Variants in TBX21 observed in about 807,000 individuals in gnomAD.
TBX21 encodes T-box transcription factor 21, also known as T-box transcription factor TBX21.
TBX21 carries 11 observed loss-of-function variants against 52.2 expected under a neutral mutation model. That is an observed-to-expected ratio of 0.21 (90% CI 0.13 to 0.35). TBX21 has a LOEUF of 0.35. Ranked by LOEUF, TBX21 falls within the 10% of genes least tolerant of loss-of-function variation. The probability of loss-of-function intolerance (pLI) is 1.00; values close to 1 mark genes in which losing one functional copy is unlikely to be tolerated. For synonymous variants in TBX21, 300 were observed against 316.1 expected, an observed-to-expected ratio of 0.95 and a Z score of 0.54; for missense variants, 625 against 755.1, an observed-to-expected ratio of 0.83 and a Z score of 2.02.
At position 47,745,110 on chromosome 17, in the gene TBX21, T is replaced by C. The variant is rs1021917662; in HGVS notation, c.1352T>C (p.Met451Thr). ...KMGPASWFRP[M>T]RTLPMEPGPG... ...GGCCCGGCCAGCTGGTTCCGCCCTA[T>C]GCGGACTCTGCCCATGGAACCCGGC... The change falls in exon 6 of 6, where the codon ATG (methionine) becomes ACG (threonine). Residue 451 changes from methionine (M) to threonine (T), a missense_variant. Around this residue, in one of 4 missense-constraint regions of TBX21, gnomAD observed 261 missense variants for 275.1 expected, o/e 0.95. Coordinates refer to ENST00000177694, the MANE Select transcript of TBX21 (RefSeq NM_013351.2). 1.2e-6 allele frequency: 2 copies of C among 1,614,014 alleles called. No individual in the cohort carries two copies. Among genetic ancestry groups the C allele is most frequent in the East Asian group, 2.2e-5 (1 of 44,872 alleles).
intron 1 of TBX21, among the ~76,000 whole-genome samples, chr17:47,737,850 A>T (rs1326186055): frequency 6.6e-6 from 1 of 152,008 alleles, no homozygotes; most frequent in African/African-American, 2.4e-5. Flanking sequence ...GGTCCCAAAC[A>T]CCTGACTTCA....
Position 47,742,130 on chromosome 17 carries a change from C to T in TBX21, c.492-480C>T, listed in dbSNP as rs1225757141. Among the ~76,000 whole-genome samples the T allele has an allele frequency of 6.6e-6, 1 of 150,494 alleles. No homozygotes were observed. The highest frequency in any genetic ancestry group is 2.5e-5 in the African/African-American group (1 of 40,746). On this transcript the variant is annotated intron_variant, in intron 1 of 5. Coordinates refer to ENST00000177694, the MANE Select transcript of TBX21 (RefSeq NM_013351.2). The surrounding 1 kb of genome is among the most constrained non-coding windows in gnomAD (Gnocchi z 4.4). ...TGTCATCCAGGCTGGAGGGCAGTGG[C>T]GCGATCTCAGCTCACTGTAACCTCT...
Position 47,743,164 on chromosome 17 carries a change from A to G in TBX21, c.740A>G (p.Asn247Ser), listed in dbSNP as rs2032286006. 1 of 1,613,984 alleles carries G rather than the reference A, an allele frequency of 6.2e-7. No homozygotes were observed. The highest frequency in any genetic ancestry group is 8.5e-7 in the Non-Finnish European group (1 of 1,180,012). ...TTTGGGAAACTAAAGCTCACAAACA[A>G]CAAGGGGGCGTCCAACAATGTGACC... ...VSFGKLKLTNNKGASNNVTQM... is the reference protein window; with the variant it reads ...VSFGKLKLTNSKGASNNVTQM... Residue 247 changes from asparagine to serine, a missense_variant, in exon 3 of 6, where the codon AAC becomes AGC. Physicochemically the swap from Asn to Ser is conservative, Grantham distance 46. Around this residue, in one of 4 missense-constraint regions of TBX21, gnomAD observed 142 missense variants for 258.5 expected, o/e 0.55. Transcript: ENST00000177694.
At chr17:47,738,328 T>C (rs192186134) in intron 1 of TBX21, among the ~76,000 whole-genome samples, 93 of 152,074 alleles carry the variant, frequency 6.1e-4, no homozygotes, top group Non-Finnish European at 1.2e-3. Context: ...CGGCTAATTG[T>C]TTCTATTTTT....
intron 1 of TBX21, among the ~76,000 whole-genome samples, chr17:47,736,745 T>C (rs558920838): frequency 6.6e-6 from 1 of 152,276 alleles, no homozygotes; most frequent in Admixed American, 6.5e-5. Context: ...AACAGGCTTT[T>C]GGGCTTATAG....
At position 47,744,838 on chromosome 17, in the gene TBX21, C is replaced by T; in HGVS notation, c.1080C>T (p.Pro360=). ...GAGATCACTACTCTCCTCTCCTACC[C>T]AACCAGTATCCTGTTCCCAGCCGCT... The part of the protein sequence containing the change: ...LGGDHYSPLL[P]NQYPVPSRFY... The change falls in exon 6 of 6, where the codon CCC becomes CCT. Residue 360 remains proline, a synonymous_variant. Coordinates refer to ENST00000177694, the MANE Select transcript of TBX21 (RefSeq NM_013351.2). 1 of 1,614,220 alleles carries T rather than the reference C, an allele frequency of 6.2e-7. No individual in the cohort carries two copies.
intron 1 of TBX21, among the ~76,000 whole-genome samples, chr17:47,736,938 C>T (rs180909623): frequency 1.3e-3 from 195 of 152,248 alleles, no homozygotes; most frequent in African/African-American, 1.7e-4. Context: ...CACGCCGTCC[C>T]GGATTCTTCC....
intron 1 of TBX21, among the ~76,000 whole-genome samples, chr17:47,739,097 A>G (rs1212214050): frequency 6.6e-6 from 1 of 151,926 alleles, no homozygotes; most frequent in African/African-American, 2.4e-5. Context: ...GGGGTCTTGG[A>G]CCCTGTCTTA....
In TBX21 at chr17:47,742,761, C is replaced by A; in HGVS notation, c.643C>A (p.Pro215Thr). 1 of 1,565,410 alleles carries A rather than the reference C, an allele frequency of 6.4e-7. No individual in the cohort carries two copies. Among genetic ancestry groups the A allele is most frequent in the East Asian group, 2.3e-5 (1 of 42,752 alleles). The change falls in exon 2 of 6, where the codon CCA (proline) becomes ACA (threonine). Residue 215 changes from proline to threonine, a missense_variant. Transcript: ENST00000177694. This position sits in a 1 kb window ranked among gnomAD's most constrained non-coding sequence, Gnocchi z 4.4. ...GTGTGGAAAGGCCGAGGGCAGCATGCCAGGTGCGCGCGCCCCTGGGAGCGG... is the reference window on the plus strand; with the variant it reads ...GTGTGGAAAGGCCGAGGGCAGCATGACAGGTGCGCGCGCCCCTGGGAGCGG... ...VQCGKAEGSM[P>T]GNRLYVHPDS...
intron 1 of TBX21, among the ~76,000 whole-genome samples, chr17:47,737,254 T>C (rs1397554953): frequency 2.6e-5 from 4 of 152,064 alleles, no homozygotes; most frequent in Non-Finnish European, 5.9e-5. Flanking sequence ...GAGTATATAA[T>C]AGTTGATGGT....
In TBX21 at chr17:47,742,598, T is replaced by C; in HGVS notation, c.492-12T>C. The C allele has an allele frequency of 3.1e-6, 5 of 1,592,382 alleles. No homozygotes were observed. Among genetic ancestry groups the C allele is most frequent in the Non-Finnish European group, 4.3e-6 (5 of 1,166,790 alleles). ...GCTGATGGGTGCTGGGGGCTTTCTC[T>C]CTTCTCTCCAGGCGGATGTTCCCAT... On this transcript the variant is annotated splice_polypyrimidine_tract_variant and intron_variant, in intron 1 of 5. Transcript: ENST00000177694. The surrounding 1 kb of genome is among the most constrained non-coding windows in gnomAD (Gnocchi z 4.4).
At position 47,734,787 on chromosome 17, in the gene TBX21, C is replaced by T. The variant is rs149506279; in HGVS notation, c.491+842C>T. Among the ~76,000 whole-genome samples the T allele has an allele frequency of 1.1e-3, 169 of 152,002 alleles. 1 individual carries two copies. The highest frequency in any genetic ancestry group is 2.8e-3 in the African/African-American group (115 of 41,416). On this transcript the variant is annotated intron_variant, in intron 1 of 5. Coordinates refer to ENST00000177694, the MANE Select transcript of TBX21 (RefSeq NM_013351.2). ...GCTGGTCCAGTGAAAACCTTCCCCA[C>T]ACTCCTGTCCAGAAATTCACCGGTT...
At chr17:47,739,319 C>A (rs555479787) in intron 1 of TBX21, among the ~76,000 whole-genome samples, 5 of 152,238 alleles carry the variant, frequency 3.3e-5, no homozygotes, top group Admixed American at 3.3e-4. Flanking sequence ...TTTCCCTCTA[C>A]TAGTGATAAA....
chr17:47,739,841 G>A (rs967903970), intron 1 of TBX21, among the ~76,000 whole-genome samples: 2 of 148,576 alleles, frequency 1.3e-5, no homozygotes, highest in South Asian at 2.2e-4. Context: ...GGAGGCAGAG[G>A]TTGCAGTGAG....
chr17:47,743,879 CAAAA>C (rs772309900), intron 3 of TBX21, among the ~76,000 whole-genome samples: 3 of 62,118 alleles, frequency 4.8e-5, no homozygotes, highest in African/African-American at 6.5e-5. Flanking sequence ...GACTCCGTCT[CAAAA>C]AAAAAAAAAA....
intron 1 of TBX21, among the ~76,000 whole-genome samples, chr17:47,734,368 C>T (rs1399650530): frequency 1.3e-5 from 2 of 152,026 alleles, no homozygotes; most frequent in African/African-American, 2.4e-5. Context: ...CCCCTTATCT[C>T]CGGGCCCCCT....
chr17:47,744,385 G>A (rs370313036), intron 4 of TBX21, 32 bp downstream of exon 4: 1 of 1,613,952 alleles, frequency 6.2e-7, no homozygotes, highest in Non-Finnish European at 8.5e-7. Flanking sequence ...GTGGGGAGGA[G>A]GGCAGAGTGG....
At position 47,742,947 on chromosome 17, in the gene TBX21, C is replaced by T; in HGVS notation, c.647-124C>T. 1.3e-6 allele frequency: 2 copies of T among 1,524,442 alleles called. No homozygotes were observed. Among genetic ancestry groups the T allele is most frequent in the Non-Finnish European group, 1.8e-6 (2 of 1,137,762 alleles). The allele number at this position is 1,524,442 out of a possible 1,614,324, so 94.4% of individuals were successfully genotyped here. A position where few individuals can be genotyped will look rare whatever the true frequency, so the allele number is the denominator to read the frequency against. ...TCTAGCCTGTCCTCTGCTGAGTCCT[C>T]TGCCCTTCCCTGCCTGGTCCTCCCC... On this transcript the variant is annotated intron_variant, in intron 2 of 5. Transcript: ENST00000177694. This position sits in a 1 kb window ranked among gnomAD's most constrained non-coding sequence, Gnocchi z 4.4.
chr17:47,744,558 G>T lies in TBX21; in HGVS notation c.989+15G>T. 2 of 1,614,166 alleles carry T rather than the reference G, an allele frequency of 1.2e-6. No homozygotes were observed. Among genetic ancestry groups the T allele is most frequent in the South Asian group, 2.2e-5 (2 of 91,078 alleles). On this transcript the variant is annotated intron_variant, in intron 5 of 5. Coordinates refer to ENST00000177694, the MANE Select transcript of TBX21 (RefSeq NM_013351.2). ...AACTTTGAGTCGTAAGTGCCACTGG[G>T]TTCAACTCAGCTTTGGTCCCTCCTG...
Sources: gnomAD v4.1 joint callset for allele counts (sites outside exome capture counted in the v4.1 genomes callset) on GRCh38, gnomAD v4.1.1 for gene constraint, gnomAD v4.1.1 regional missense constraint, Gnocchi (gnomAD v3.1) non-coding constraint, MANE v1.5 for transcripts, NCBI Gene and HGNC (gene_info 2026-07-23, HGNC 2026-07-21) for gene names.